The following ZSCAN25 variants were observed in gnomAD, a reference collection of about 807,000 sequenced individuals.
The protein encoded by ZSCAN25 is zinc finger and SCAN domain-containing protein 25.
In ZSCAN25, 27 loss-of-function variants were observed where a neutral mutation model predicts 38.7. The observed-to-expected ratio is 0.70, with a 90% CI of 0.51 to 0.96. The LOEUF (loss-of-function observed/expected upper bound fraction) is 0.96, where lower values mean the gene tolerates loss of function less well. Ranked by LOEUF, ZSCAN25 falls within the 40% of genes least tolerant of loss-of-function variation. The pLI is 0.00. For synonymous variants in ZSCAN25, 273 were observed against 277.7 expected (o/e 0.98, Z 0.17); for missense variants, 637 against 705.9 (o/e 0.90, Z 1.11).
the ZSCAN25 span, among the ~76,000 whole-genome samples, chr7:99,686,027 G>A: frequency 6.6e-6 from 1 of 152,156 alleles, no homozygotes; most frequent in South Asian, 2.1e-4. Context: ...TCGGGGGGTG[G>A]AGCCAAGATG....
At chr7:99,621,696 C>T in intron 5 of ZSCAN25, 122 bp downstream of exon 5, 1 of 800,544 alleles carries the variant, frequency 1.2e-6, no homozygotes, top group East Asian at 3.4e-5. Context: ...TGTGAATTTT[C>T]TTGGCTACTT....
the ZSCAN25 span, chr7:99,660,537 T>C: frequency 6.2e-6 from 10 of 1,613,728 alleles, no homozygotes; most frequent in Non-Finnish European, 8.5e-6. Context: ...TTTTGCAGTT[T>C]CTGCTGGACA....
chr7:99,709,126 T>C, the ZSCAN25 span: 2 of 1,613,968 alleles, frequency 1.2e-6, no homozygotes, highest in South Asian at 2.2e-5. Flanking sequence ...CCTTTGGGAA[T>C]AAACATCCCA....
the ZSCAN25 span, among the ~76,000 whole-genome samples, chr7:99,679,496 A>T: frequency 6.6e-6 from 1 of 152,214 alleles, no homozygotes; most frequent in South Asian, 2.1e-4. Context: ...CACACTGTCC[A>T]TCATGATCAG....
chr7:99,713,287 G>A, the ZSCAN25 span, among the ~76,000 whole-genome samples: 1 of 152,088 alleles, frequency 6.6e-6, no homozygotes, highest in Non-Finnish European at 1.5e-5. Flanking sequence ...CTTAGAACAT[G>A]GCTATCTATG....
chr7:99,684,645 T>C, the ZSCAN25 span, among the ~76,000 whole-genome samples: 2 of 152,208 alleles, frequency 1.3e-5, no homozygotes, highest in Admixed American at 1.3e-4. Flanking sequence ...GTTCTATAGA[T>C]TTCTCCTTAA....
the ZSCAN25 span, chr7:99,685,205 G>A: frequency 2.5e-6 from 4 of 1,613,540 alleles, no homozygotes; most frequent in African/African-American, 4.0e-5. Flanking sequence ...TCTGGTTGAA[G>A]AAGTCCTCCT....
At chr7:99,708,144 G>T in the ZSCAN25 span, among the ~76,000 whole-genome samples, 1 of 152,286 alleles carries the variant, frequency 6.6e-6, no homozygotes, top group Non-Finnish European at 1.5e-5. Context: ...GAATTGTAAG[G>T]TACAGATCCT....
the ZSCAN25 span, chr7:99,709,117 CT>C: frequency 6.2e-7 from 1 of 1,613,984 alleles, no homozygotes; most frequent in Non-Finnish European, 8.5e-7. Context: ...ACCACCACCC[CT>C]TTGGGAATAA....
chr7:99,731,956 C>T, the ZSCAN25 span, among the ~76,000 whole-genome samples: 4 of 152,182 alleles, frequency 2.6e-5, no homozygotes, highest in African/African-American at 9.7e-5. Context: ...GACATTCCTC[C>T]TCTTGTGGAA....
the ZSCAN25 span, chr7:99,666,721 A>C: frequency 1.2e-6 from 2 of 1,613,964 alleles, no homozygotes; most frequent in Non-Finnish European, 1.7e-6. Context: ...ACCTGTAGTT[A>C]AATGTGCAGA....
the ZSCAN25 span, among the ~76,000 whole-genome samples, chr7:99,734,788 A>G: frequency 6.6e-6 from 1 of 151,836 alleles, no homozygotes; most frequent in South Asian, 2.1e-4. Flanking sequence ...TGCCCAGCTA[A>G]TTTTTGTAAT....
chr7:99,737,765 G>C, the ZSCAN25 span, among the ~76,000 whole-genome samples: 1 of 152,226 alleles, frequency 6.6e-6, no homozygotes, highest in African/African-American at 2.4e-5. Context: ...TATACCAACA[G>C]TGATAGACTA....
At chr7:99,676,659 G>T in the ZSCAN25 span, 1 of 775,660 alleles carries the variant, frequency 1.3e-6, no homozygotes, top group South Asian at 1.3e-5. Context: ...ATCACAGAGG[G>T]TCACTGGGAG....
At chr7:99,723,326 T>C in the ZSCAN25 span, among the ~76,000 whole-genome samples, 1 of 152,142 alleles carries the variant, frequency 6.6e-6, no homozygotes, top group South Asian at 2.1e-4. Context: ...CTCGTGACAT[T>C]CTTCTTCTGG....
At chr7:99,672,558 A>T in the ZSCAN25 span, 4 of 1,594,496 alleles carry the variant, frequency 2.5e-6, no homozygotes, top group South Asian at 4.4e-5. Context: ...CATTATTTAA[A>T]TTTCAAAAAA....
chr7:99,638,808 G>A, the ZSCAN25 span: 41 of 791,158 alleles, frequency 5.2e-5, no homozygotes, highest in African/African-American at 4.3e-4. Context: ...GGTGTCCTGG[G>A]TCCCCTCAGC....
At chr7:99,707,788 T>C in the ZSCAN25 span, 7 of 1,613,412 alleles carry the variant, frequency 4.3e-6, no homozygotes, top group Non-Finnish European at 2.5e-6. Context: ...AATAAAACAT[T>C]ATTAATGCAG....
chr7:99,641,303 G>A, the ZSCAN25 span, among the ~76,000 whole-genome samples: 11 of 152,242 alleles, frequency 7.2e-5, no homozygotes, highest in Non-Finnish European at 1.3e-4. Flanking sequence ...AACAAAGGGG[G>A]ATAAGCCCCT....
Sources: gnomAD v4.1 joint callset for allele counts (sites outside exome capture counted in the v4.1 genomes callset) on GRCh38, gnomAD v4.1.1 for gene constraint, MANE v1.5 for transcripts, NCBI Gene and HGNC (gene_info 2026-07-23, HGNC 2026-07-21) for gene names.